The following FPR3 variants were observed in gnomAD, a reference collection of about 807,000 sequenced individuals.
FPR3 encodes formyl peptide receptor 3, also known as N-formyl peptide receptor 3.
For synonymous variants in FPR3, 135 were observed against 163.6 expected (o/e 0.83, Z 1.34); for missense variants, 346 against 443.2 (o/e 0.78, Z 1.97).
At chr19:51,814,604 C>T (rs2122460023) in intron 1 of FPR3, among the ~76,000 whole-genome samples, 1 of 152,176 alleles carries the variant, frequency 6.6e-6, no homozygotes, top group South Asian at 2.1e-4. Flanking sequence ...AGTGATTCTC[C>T]TGCCGCAGTC....
At chr19:51,807,006 T>C (rs1599832377) in intron 1 of FPR3, among the ~76,000 whole-genome samples, 1 of 152,350 alleles carries the variant, frequency 6.6e-6, no homozygotes, top group African/African-American at 2.4e-5. Context: ...ATTTAAAGTC[T>C]GTAACCTGTC....
intron 1 of FPR3, among the ~76,000 whole-genome samples, chr19:51,800,447 C>T (rs2084021570): frequency 1.3e-5 from 2 of 152,168 alleles, no homozygotes; most frequent in African/African-American, 4.8e-5. Flanking sequence ...CAGGCTGGGG[C>T]AATTACAGGC....
chr19:51,800,026 T>C (rs923556286), intron 1 of FPR3, among the ~76,000 whole-genome samples: 1 of 152,218 alleles, frequency 6.6e-6, no homozygotes, highest in African/African-American at 2.4e-5. Context: ...GGAGCAGCGA[T>C]TCCACCATAG....
At position 51,795,504 on chromosome 19, in the gene FPR3, C is replaced by CCTTTTTTTTTTTTTTTT. The variant is rs1568425575; in HGVS notation, c.-11+173_-11+174insCTTTTTTTTTTTTTTTT. ...TTTGGTTACATGTTCCAGTAACATT[C>CCTTTTTTTTTTTTTTTT]TTTTTTTTTTTTTTTTTTTTTTTTT... On this transcript the variant is annotated intron_variant, in intron 1 of 1. Transcript: ENST00000339223. Among the ~76,000 whole-genome samples the CCTTTTTTTTTTTTTTTT allele has an allele frequency of 1.3e-4, 10 of 74,732 alleles. 3 individuals are homozygous for CCTTTTTTTTTTTTTTTT. Among genetic ancestry groups the CCTTTTTTTTTTTTTTTT allele is most frequent in the Non-Finnish European group, 1.2e-4 (5 of 43,152 alleles). The allele number at this position is 74,732 out of a possible 152,430, so 49.0% of individuals were successfully genotyped here. A position where few individuals can be genotyped will look rare whatever the true frequency, so the allele number is the denominator to read the frequency against.
At chr19:51,803,191 G>C (rs193058201) in intron 1 of FPR3, among the ~76,000 whole-genome samples, 7 of 152,126 alleles carry the variant, frequency 4.6e-5, no homozygotes, top group African/African-American at 1.7e-4. Flanking sequence ...GTCATGTCTA[G>C]TAAATTCTCA....
chr19:51,796,571 C>T (rs968243596), intron 1 of FPR3, among the ~76,000 whole-genome samples: 1 of 152,138 alleles, frequency 6.6e-6, no homozygotes, highest in African/African-American at 2.4e-5. Flanking sequence ...CCTGACAGGG[C>T]CATGGACACC....
rs924542128 is a variant in FPR3, at chr19:51,825,044, A to G, written c.*234A>G. 1 of 488,842 alleles carries G rather than the reference A, an allele frequency of 2.0e-6. No individual in the cohort carries two copies. Among genetic ancestry groups the G allele is most frequent in the Non-Finnish European group, 3.8e-6 (1 of 265,412 alleles). The allele number at this position is 488,842 out of a possible 1,614,324, so 30.3% of individuals were successfully genotyped here. A position where few individuals can be genotyped will look rare whatever the true frequency, so the allele number is the denominator to read the frequency against. On this transcript the variant is annotated 3_prime_UTR_variant, in exon 2 of 2. Coordinates refer to ENST00000339223, the MANE Select transcript of FPR3 (RefSeq NM_002030.5). ...ACCTGGAGCTACTGTCAGATCCCACAGGTTTAAGGGCTCATTCCCCAAGTC... is the reference window on the plus strand; with the variant it reads ...ACCTGGAGCTACTGTCAGATCCCACGGGTTTAAGGGCTCATTCCCCAAGTC...
intron 1 of FPR3, among the ~76,000 whole-genome samples, 178 bp downstream of exon 1, chr19:51,795,509 T>TA (rs2083992183): frequency 1.0e-5 from 1 of 97,068 alleles, no homozygotes; most frequent in Admixed American, 1.0e-4. Context: ...ACATTCTTTT[T>TA]TTTTTTTTTT....
intron 1 of FPR3, among the ~76,000 whole-genome samples, chr19:51,802,239 G>C (rs1396143492): frequency 1.3e-5 from 2 of 152,088 alleles, no homozygotes; most frequent in African/African-American, 4.8e-5. Flanking sequence ...CCTTACGATG[G>C]ATGACTACAG....
intron 1 of FPR3, among the ~76,000 whole-genome samples, chr19:51,797,546 C>T (rs982877055): frequency 1.4e-4 from 22 of 152,122 alleles, no homozygotes; most frequent in Non-Finnish European, 2.9e-4. Flanking sequence ...TTAACTTTCT[C>T]GTCTGTACAA....
chr19:51,798,420 T>C (rs763953571), intron 1 of FPR3, among the ~76,000 whole-genome samples: 6 of 152,076 alleles, frequency 3.9e-5, no homozygotes, highest in Non-Finnish European at 7.4e-5. Flanking sequence ...TGAGAAACCC[T>C]GAGCTACACT....
At chr19:51,820,021 C>T (rs138947637) in intron 1 of FPR3, among the ~76,000 whole-genome samples, 8 of 151,796 alleles carry the variant, frequency 5.3e-5, no homozygotes, top group South Asian at 2.1e-4. Context: ...AGCAAGGGCA[C>T]GTAAATTGAG....
intron 1 of FPR3, among the ~76,000 whole-genome samples, chr19:51,814,972 G>A (rs1360238917): frequency 6.6e-6 from 1 of 151,664 alleles, no homozygotes; most frequent in Non-Finnish European, 1.5e-5. Flanking sequence ...ACCACGTCTG[G>A]CTAATTTTCG....
intron 1 of FPR3, among the ~76,000 whole-genome samples, chr19:51,798,525 A>T (rs895979444): frequency 1.3e-5 from 2 of 152,214 alleles, no homozygotes; most frequent in Non-Finnish European, 2.9e-5. Flanking sequence ...AAAATTTATT[A>T]TACGAGGGCA....
At chr19:51,819,079 T>C (rs543258576) in intron 1 of FPR3, among the ~76,000 whole-genome samples, 3 of 152,270 alleles carry the variant, frequency 2.0e-5, no homozygotes, top group Admixed American at 6.5e-5. Context: ...TTGGATTGTA[T>C]TGGGTGGTAA....
chr19:51,822,156 A>G (rs988580658), intron 1 of FPR3, among the ~76,000 whole-genome samples: 1 of 152,236 alleles, frequency 6.6e-6, no homozygotes, highest in Non-Finnish European at 1.5e-5. Flanking sequence ...GACCTGGTGC[A>G]GAGGCAGGGA....
At chr19:51,800,658 C>T (rs575246069) in intron 1 of FPR3, among the ~76,000 whole-genome samples, 2 of 152,176 alleles carry the variant, frequency 1.3e-5, no homozygotes, top group South Asian at 2.1e-4. Flanking sequence ...TCTCATGGCC[C>T]GAAACCCCAT....
chr19:51,804,472 TCAAAA>T (rs1015241672), intron 1 of FPR3, among the ~76,000 whole-genome samples: 1 of 152,116 alleles, frequency 6.6e-6, no homozygotes, highest in African/African-American at 2.4e-5. Context: ...TATAACCGCA[TCAAAA>T]CAAAGTTTTA....
intron 1 of FPR3, among the ~76,000 whole-genome samples, chr19:51,808,280 T>C (rs957084803): frequency 6.6e-6 from 1 of 152,240 alleles, no homozygotes; most frequent in African/African-American, 2.4e-5. Context: ...GGAGAACTAC[T>C]TTCTGAGTCC....
Sources: allele counts gnomAD v4.1 joint callset (sites outside exome capture counted in the v4.1 genomes callset), GRCh38; gene constraint gnomAD v4.1.1; transcripts MANE v1.5; gene names NCBI Gene and HGNC (gene_info 2026-07-23, HGNC 2026-07-21).